The following PDE3B variants were observed in gnomAD, a reference collection of about 807,000 sequenced individuals.
PDE3B encodes the protein cGMP-inhibited 3',5'-cyclic phosphodiesterase 3B.
PDE3B carries 66 observed loss-of-function variants against 116.8 expected under a neutral mutation model. That is an observed-to-expected ratio of 0.56 (90% confidence interval 0.46 to 0.69). The LOEUF (loss-of-function observed/expected upper bound fraction) is 0.69. Among genes scored for constraint, PDE3B ranks in the 30% least tolerant of loss-of-function variants. The pLI, the probability that PDE3B is intolerant of heterozygous loss-of-function variation, is 0.00. For missense variants in PDE3B, 1,384 were observed against 1,368.1 expected (o/e 1.01, Z -0.18); for synonymous variants, 595 against 533.6 (o/e 1.12, Z -1.59).
chr11:14,788,999 A>C (rs1858302028), intron 3 of PDE3B, 107 bp from the exon 4 acceptor site: 4 of 725,942 alleles, frequency 5.5e-6, no homozygotes, highest in African/African-American at 3.7e-5. Flanking sequence ...TTCTCTGTAC[A>C]TGTTAAAAAT....
intron 2 of PDE3B, among the ~76,000 whole-genome samples, chr11:14,781,759 G>T (rs1858010777): frequency 6.6e-6 from 1 of 152,164 alleles, no homozygotes; most frequent in Non-Finnish European, 1.5e-5. Context: ...ACAAGACAGG[G>T]GTGCCTCTCT....
Position 14,712,466 on chromosome 11 carries a change from G to GTTTTTT in PDE3B, c.979-59450_979-59445dup, listed in dbSNP as rs58004646. 7.9e-5 allele frequency among the ~76,000 whole-genome samples: 6 copies of GTTTTTT among 76,286 alleles called. 1 individual carries two copies. The highest frequency in any genetic ancestry group is 1.8e-4 in the African/African-American group (3 of 16,318). The allele number at this position is 76,286 out of a possible 152,430, so 50.0% of individuals were successfully genotyped here. A position where few individuals can be genotyped will look rare whatever the true frequency, so the allele number is the denominator to read the frequency against. On this transcript the variant is annotated intron_variant, in intron 1 of 15. Transcript: ENST00000282096. Reference sequence around the variant, plus strand: ...GTAGTTTATTTGGACGTACAAGCTTGTTTTTTTTTTTTTTTTTTTTTTTTT... The same window carrying GTTTTTT: ...GTAGTTTATTTGGACGTACAAGCTTGTTTTTTTTTTTTTTTTTTTTTTTTTTTTTTT...
chr11:14,753,292 G>T (rs546432869), intron 1 of PDE3B, among the ~76,000 whole-genome samples: 136 of 152,162 alleles, frequency 8.9e-4, no homozygotes, highest in African/African-American at 3.2e-3. Flanking sequence ...AGAAGGCCAG[G>T]AATATTGTTA....
At chr11:14,807,382 C>T (rs576356470) in intron 5 of PDE3B, among the ~76,000 whole-genome samples, 25 of 151,920 alleles carry the variant, frequency 1.6e-4, no homozygotes, top group African/African-American at 5.6e-4. Context: ...TTAAATTTGT[C>T]GTAAGGTACT....
At chr11:14,892,051 A>T in the PDE3B span, 1 of 1,613,064 alleles carries the variant, frequency 6.2e-7, no homozygotes, top group South Asian at 1.1e-5. Flanking sequence ...CAGGGAATAG[A>T]TGTTGCCGAT....
intron 15 of PDE3B, among the ~76,000 whole-genome samples, chr11:14,869,094 G>A (rs776563665): frequency 1.3e-5 from 2 of 152,056 alleles, no homozygotes; most frequent in South Asian, 2.1e-4. Flanking sequence ...GCCCTTAAAG[G>A]TTGGTTTTTA....
intron 11 of PDE3B, among the ~76,000 whole-genome samples, chr11:14,843,428 T>C (rs1847517508): frequency 6.6e-6 from 1 of 152,248 alleles, no homozygotes; most frequent in Non-Finnish European, 1.5e-5. Context: ...AATTCCTAAA[T>C]CTTTGTAATG....
chr11:14,858,271 G>GT (rs11454337), intron 12 of PDE3B, among the ~76,000 whole-genome samples: 150,071 of 152,156 alleles, frequency 0.99, 74,057 homozygotes, highest in Middle Eastern at 1. Context: ...GGCTGTAGAA[G>GT]TTTTTTTAAT....
intron 5 of PDE3B, among the ~76,000 whole-genome samples, chr11:14,815,040 G>A (rs1363115199): frequency 3.3e-5 from 5 of 151,168 alleles, no homozygotes; most frequent in African/African-American, 1.2e-4. Context: ...GGGAGGCTGA[G>A]GCAGGAGAAT....
intron 1 of PDE3B, among the ~76,000 whole-genome samples, chr11:14,724,845 G>C (rs573782107): frequency 9.2e-5 from 14 of 152,222 alleles, no homozygotes; most frequent in East Asian, 7.7e-4. Flanking sequence ...TATAGTAGAA[G>C]GATTCTTTCA....
chr11:14,859,162 G>C lies in PDE3B; in HGVS notation c.2640G>C (p.Lys880Asn). 3 of 1,613,598 alleles carry C rather than the reference G, an allele frequency of 1.9e-6. No individual in the cohort carries two copies. The highest frequency in any genetic ancestry group is 2.5e-6 in the Non-Finnish European group (3 of 1,179,756). ...FLLHLDHVEF[K>N]RFRFLVIEAI... ...TTCATCTTGATCATGTGGAATTCAA[G>C]CGCTTTCGTTTTTTAGTCATTGAAG... Residue 880 changes from lysine to asparagine, a missense_variant, in exon 13 of 16, where the codon AAG becomes AAC. Transcript: ENST00000282096.
chr11:14,857,400 G>A (rs2133988077), intron 12 of PDE3B, among the ~76,000 whole-genome samples: 1 of 152,294 alleles, frequency 6.6e-6, no homozygotes, highest in East Asian at 1.9e-4. Flanking sequence ...TTCTTCTAAA[G>A]TAGCATTGAC....
At chr11:14,692,455 G>A (rs2133807794) in intron 1 of PDE3B, among the ~76,000 whole-genome samples, 1 of 152,176 alleles carries the variant, frequency 6.6e-6, no homozygotes, top group South Asian at 2.1e-4. Flanking sequence ...CAAATTGGAG[G>A]TTTGTGGCAG....
At chr11:14,777,785 T>C (rs923935711) in intron 2 of PDE3B, among the ~76,000 whole-genome samples, 14 of 152,126 alleles carry the variant, frequency 9.2e-5, no homozygotes, top group Non-Finnish European at 1.5e-5. Context: ...TTCATCTCTC[T>C]GGGGCTTGTC....
chr11:14,785,615 T>G (rs1858164329), intron 2 of PDE3B, among the ~76,000 whole-genome samples: 1 of 152,084 alleles, frequency 6.6e-6, no homozygotes, highest in Non-Finnish European at 1.5e-5. Context: ...TCCATTTATT[T>G]CTATGGGTAA....
intron 1 of PDE3B, among the ~76,000 whole-genome samples, chr11:14,685,063 A>C (rs1565091224): frequency 1.3e-5 from 2 of 152,238 alleles, no homozygotes; most frequent in East Asian, 3.8e-4. Flanking sequence ...TAAGACAGGC[A>C]TAAGAAATTA....
intron 4 of PDE3B, among the ~76,000 whole-genome samples, chr11:14,801,229 C>T (rs1355013850): frequency 1.3e-5 from 2 of 152,016 alleles, no homozygotes; most frequent in Non-Finnish European, 2.9e-5. Context: ...GGAGAAGAGG[C>T]GTTGTGTTTT....
At position 14,871,752 on chromosome 11, in the gene PDE3B, A is replaced by T. The variant is rs1012862936; in HGVS notation, c.*2092A>T. ...TATGTAACAATAACTAGCCTAAAGA[A>T]ACCCAAAAAAGTATCTCTCCCGAGC... is the stretch of plus-strand genomic sequence containing the variant. On this transcript the variant is annotated 3_prime_UTR_variant, in exon 16 of 16. Coordinates refer to ENST00000282096, the MANE Select transcript of PDE3B (RefSeq NM_000922.4). 2.0e-5 allele frequency: 3 copies of T among 152,168 alleles called. No homozygotes were observed. Among genetic ancestry groups the T allele is most frequent in the African/African-American group, 7.2e-5 (3 of 41,438 alleles). 9.4% of individuals were successfully genotyped at this position (152,168 alleles called of 1,614,324 possible).
intron 1 of PDE3B, among the ~76,000 whole-genome samples, chr11:14,668,401 C>T (rs1854254022): frequency 6.6e-6 from 1 of 152,040 alleles, no homozygotes; most frequent in African/African-American, 2.4e-5. Context: ...CCTTATTATT[C>T]ATCATATTAT....
Sources: gnomAD v4.1 joint callset for allele counts (sites outside exome capture counted in the v4.1 genomes callset) on GRCh38, gnomAD v4.1.1 for gene constraint, MANE v1.5 for transcripts, NCBI Gene and HGNC (gene_info 2026-07-23, HGNC 2026-07-21) for gene names.